The following ARRDC4 variants were observed in gnomAD, a reference collection of about 807,000 sequenced individuals.
ARRDC4 encodes arrestin domain-containing protein 4.
Under a neutral mutation model 44.6 loss-of-function variants are expected in ARRDC4, and 40 were observed. The ratio of observed to expected loss-of-function variants is 0.90; its 90% confidence interval spans 0.70 to 1.17. The LOEUF is 1.17. Among genes scored for constraint, ARRDC4 ranks in the 50% most tolerant of loss-of-function variants. ARRDC4 has a pLI of 0.00. For missense variants in ARRDC4, 550 were observed against 559.1 expected (o/e 0.98, Z 0.16); for synonymous variants, 211 against 221.2 (o/e 0.95, Z 0.41).
In ARRDC4 at chr15:97,970,629, C is replaced by T. The variant is rs556598670; in HGVS notation, c.1086C>T (p.Phe362=). The change falls in exon 7 of 8, where the codon TTC becomes TTT. Residue 362 remains phenylalanine, a synonymous_variant. Coordinates refer to ENST00000268042, the MANE Select transcript of ARRDC4 (RefSeq NM_183376.3). This position sits in a 1 kb window ranked among gnomAD's most constrained non-coding sequence, Gnocchi z 4.2. ...NYADVVSEEE[F]SRHIPPYPQP... is the part of the protein sequence containing the mutation. ...CAGATGTGGTATCAGAGGAAGAATTCTCTAGACACATTCCTCCTTACCCTC... is the reference window on the plus strand; with the variant it reads ...CAGATGTGGTATCAGAGGAAGAATTTTCTAGACACATTCCTCCTTACCCTC... 6 of 1,613,296 alleles carry T rather than the reference C, an allele frequency of 3.7e-6. No individual in the cohort carries two copies. Among genetic ancestry groups the T allele is most frequent in the Non-Finnish European group, 5.1e-6 (6 of 1,179,444 alleles).
chr15:97,962,415 A>C (rs1899338259), intron 1 of ARRDC4, among the ~76,000 whole-genome samples: 2 of 152,200 alleles, frequency 1.3e-5, no homozygotes, highest in Admixed American at 6.5e-5. Flanking sequence ...TACAATTTGC[A>C]AGATGGCCGA....
At chr15:97,964,311 G>T (rs993666228) in intron 1 of ARRDC4, among the ~76,000 whole-genome samples, 1 of 151,694 alleles carries the variant, frequency 6.6e-6, no homozygotes, top group African/African-American at 2.4e-5. Flanking sequence ...AATGGATAAA[G>T]TAGAAATCTT....
At position 97,970,930 on chromosome 15, in the gene ARRDC4, A is replaced by T. The variant is rs1899501686; in HGVS notation, c.1200+187A>T. Among the ~76,000 whole-genome samples, 1 of 152,028 alleles carries T rather than the reference A, an allele frequency of 6.6e-6. No individual in the cohort carries two copies. Among genetic ancestry groups the T allele is most frequent in the African/African-American group, 2.4e-5 (1 of 41,388 alleles). On this transcript the variant is annotated intron_variant, in intron 7 of 7. Transcript: ENST00000268042. The surrounding 1 kb of genome is among the most constrained non-coding windows in gnomAD (Gnocchi z 4.2). ...AGATTTTTTTACTATTGTCCTTGTG[A>T]TCTATGGCATCAGATACAGTATTGT...
Position 97,967,834 on chromosome 15 carries a change from T to A in ARRDC4, c.523-180T>A, listed in dbSNP as rs1385452696. Among the ~76,000 whole-genome samples, 2 of 152,002 alleles carry A rather than the reference T, an allele frequency of 1.3e-5. No individual in the cohort carries two copies. Among genetic ancestry groups the A allele is most frequent in the Admixed American group, 6.6e-5 (1 of 15,248 alleles). On this transcript the variant is annotated intron_variant, in intron 3 of 7. Coordinates refer to ENST00000268042, the MANE Select transcript of ARRDC4 (RefSeq NM_183376.3). This position sits in a 1 kb window ranked among gnomAD's most constrained non-coding sequence, Gnocchi z 5.0. The stretch of plus-strand genomic sequence containing the variant: ...CACTGTAGTTTTCCTAAAAGGGGAG[T>A]CTTAACACCCTGTGTTTTTGTGCAT...
In ARRDC4 at chr15:97,960,918, C is replaced by T. The variant is rs1247217582; in HGVS notation, c.57C>T (p.Ser19=). The change falls in exon 1 of 8, where the codon AGC becomes AGT. Residue 19 remains serine (S), a synonymous_variant. Coordinates refer to ENST00000268042, the MANE Select transcript of ARRDC4 (RefSeq NM_183376.3). The part of the protein sequence containing the change: ...AAVGAEGRVK[S]LGLVFEDERK... ...TGGGTGCCGAGGGCCGCGTGAAGAG[C>T]CTGGGTCTGGTGTTCGAGGACGAGC... The T allele has an allele frequency of 3.4e-6, 5 of 1,455,378 alleles. No individual in the cohort carries two copies. The highest frequency in any genetic ancestry group is 1.4e-5 in the South Asian group (1 of 73,924). The allele number at this position is 1,455,378 out of a possible 1,614,324, so 90.2% of individuals were successfully genotyped here.
In ARRDC4 at chr15:97,966,552, G is replaced by A. The variant is rs755283043; in HGVS notation, c.522+510G>A. 1.3e-5 allele frequency among the ~76,000 whole-genome samples: 2 copies of A among 151,982 alleles called. No individual in the cohort carries two copies. The highest frequency in any genetic ancestry group is 2.1e-4 in the South Asian group (1 of 4,818). ...CATTAAGTAAGTGCATGCAGCTGCC[G>A]CCGAGATCCTTTCACTTATCATTTC... On this transcript the variant is annotated intron_variant, in intron 3 of 7. Coordinates refer to ENST00000268042, the MANE Select transcript of ARRDC4 (RefSeq NM_183376.3). This position sits in a 1 kb window ranked among gnomAD's most constrained non-coding sequence, Gnocchi z 4.7.
In ARRDC4 at chr15:97,967,089, T is replaced by TGCCA. The variant is rs1311244281; in HGVS notation, c.523-924_523-923insCCAG. 2.0e-5 allele frequency among the ~76,000 whole-genome samples: 3 copies of TGCCA among 152,368 alleles called. No homozygotes were observed. Among genetic ancestry groups the TGCCA allele is most frequent in the Admixed American group, 6.5e-5 (1 of 15,300 alleles). On this transcript the variant is annotated intron_variant, in intron 3 of 7. Transcript: ENST00000268042. The surrounding 1 kb of genome is among the most constrained non-coding windows in gnomAD (Gnocchi z 5.0). ...TAAAACAGCCGGCACCCAGCTGGCC[T>TGCCA]GGCTTATAGCTGGGACTTTAACAGC...
Position 97,972,084 on chromosome 15 carries a change from T to C in ARRDC4, c.*897T>C, listed in dbSNP as rs1452744210. 1 of 152,322 alleles carries C rather than the reference T, an allele frequency of 6.6e-6. No individual in the cohort carries two copies. The highest frequency in any genetic ancestry group is 1.5e-5 in the Non-Finnish European group (1 of 68,024). The allele number at this position is 152,322 out of a possible 1,614,324, so 9.4% of individuals were successfully genotyped here. On this transcript the variant is annotated 3_prime_UTR_variant, in exon 8 of 8. Transcript: ENST00000268042. This position sits in a 1 kb window ranked among gnomAD's most constrained non-coding sequence, Gnocchi z 5.3. ...AGGCCTTTTTCTAACCTACCTCTAA[T>C]GGGGTTATCAGATATGTTTTTAAAT...
Position 97,968,566 on chromosome 15 carries a change from T to C in ARRDC4, c.625+450T>C, listed in dbSNP as rs772868621. ...AGATTGTTACTGGAATTGCCATTAG[T>C]GAAGGGCCCATTTCCAGCAGTGGAT... On this transcript the variant is annotated intron_variant, in intron 4 of 7. Transcript: ENST00000268042. The surrounding 1 kb of genome is among the most constrained non-coding windows in gnomAD (Gnocchi z 5.4). Among the ~76,000 whole-genome samples, 4 of 152,236 alleles carry C rather than the reference T, an allele frequency of 2.6e-5. No homozygotes were observed. Among genetic ancestry groups the C allele is most frequent in the Non-Finnish European group, 5.9e-5 (4 of 68,028 alleles).
At chr15:97,961,688 C>A (rs1899324468) in intron 1 of ARRDC4, among the ~76,000 whole-genome samples, 1 of 152,162 alleles carries the variant, frequency 6.6e-6, no homozygotes, top group African/African-American at 2.4e-5. Flanking sequence ...CAGACTTGAT[C>A]ATCATGCTTG....
Position 97,968,448 on chromosome 15 carries a change from T to G in ARRDC4, c.625+332T>G, listed in dbSNP as rs1899455254. Among the ~76,000 whole-genome samples the G allele has an allele frequency of 6.6e-6, 1 of 152,082 alleles. No individual in the cohort carries two copies. On this transcript the variant is annotated intron_variant, in intron 4 of 7. Transcript: ENST00000268042. This position sits in a 1 kb window ranked among gnomAD's most constrained non-coding sequence, Gnocchi z 5.4. ...ATTGCTAAAAAGAGAACTACTGGAG[T>G]ATGAAATGCTATTAGACATTCTGAT... is the stretch of plus-strand genomic sequence containing the variant.
In ARRDC4 at chr15:97,971,450, A is replaced by T. The variant is rs1439941125; in HGVS notation, c.*263A>T. ...GTCACAGAATGTAATGGAAGTCCTG[A>T]TGGTTACAGAGTAAGTGAAAGGGTG... On this transcript the variant is annotated 3_prime_UTR_variant, in exon 8 of 8. Transcript: ENST00000268042. 1.1e-5 allele frequency: 5 copies of T among 453,432 alleles called. No individual in the cohort carries two copies. Among genetic ancestry groups the T allele is most frequent in the Non-Finnish European group, 2.0e-5 (5 of 247,356 alleles). The allele number at this position is 453,432 out of a possible 1,614,324, so 28.1% of individuals were successfully genotyped here.
intron 1 of ARRDC4, among the ~76,000 whole-genome samples, chr15:97,961,524 G>A (rs1187946146): frequency 6.6e-6 from 1 of 152,202 alleles, no homozygotes; most frequent in African/African-American, 2.4e-5. Flanking sequence ...TGGAACCGGC[G>A]GCTATGAGGT....
In ARRDC4 at chr15:97,967,665, G is replaced by A. The variant is rs1054750662; in HGVS notation, c.523-349G>A. ...CTTCCACCTGACTTTTATATATAAA[G>A]TCTTAAAAATAATTCTGTCATGTTT... is the stretch of plus-strand genomic sequence containing the variant. On this transcript the variant is annotated intron_variant, in intron 3 of 7. Coordinates refer to ENST00000268042, the MANE Select transcript of ARRDC4 (RefSeq NM_183376.3). The surrounding 1 kb of genome is among the most constrained non-coding windows in gnomAD (Gnocchi z 5.0). 1.3e-5 allele frequency among the ~76,000 whole-genome samples: 2 copies of A among 151,574 alleles called. No homozygotes were observed. The highest frequency in any genetic ancestry group is 2.9e-5 in the Non-Finnish European group (2 of 67,922).
intron 1 of ARRDC4, among the ~76,000 whole-genome samples, chr15:97,963,898 T>C (rs1201349444): frequency 6.6e-6 from 1 of 152,182 alleles, no homozygotes; most frequent in Non-Finnish European, 1.5e-5. Flanking sequence ...AGCCTTTCAC[T>C]CCACAGCTGT....
At chr15:97,962,619 C>T (rs531534953) in intron 1 of ARRDC4, among the ~76,000 whole-genome samples, 2 of 152,208 alleles carry the variant, frequency 1.3e-5, no homozygotes, top group South Asian at 4.2e-4. Context: ...GATGTTTATT[C>T]GTCACACACA....
intron 1 of ARRDC4, among the ~76,000 whole-genome samples, chr15:97,964,778 T>C (rs1374293221): frequency 6.6e-6 from 1 of 152,140 alleles, no homozygotes; most frequent in Non-Finnish European, 1.5e-5. Flanking sequence ...GCTTAATAGC[T>C]TGTCTTGTGG....
chr15:97,968,184 TTAAA>T lies in ARRDC4; in HGVS notation c.625+71_625+74del, dbSNP rs1203837306. ...TTTTCTTAGCTAATTTTAAGTGATT[TTAAA>T]TAGTGTTTTTTGTAATTATATGACG... On this transcript the variant is annotated intron_variant, in intron 4 of 7. Coordinates refer to ENST00000268042, the MANE Select transcript of ARRDC4 (RefSeq NM_183376.3). The surrounding 1 kb of genome is among the most constrained non-coding windows in gnomAD (Gnocchi z 5.4). 1.5e-5 allele frequency: 16 copies of T among 1,046,164 alleles called. No homozygotes were observed. The highest frequency in any genetic ancestry group is 2.7e-6 in the Non-Finnish European group (2 of 733,522). The allele number at this position is 1,046,164 out of a possible 1,614,324, so 64.8% of individuals were successfully genotyped here. A position where few individuals can be genotyped will look rare whatever the true frequency, so the allele number is the denominator to read the frequency against.
Position 97,973,459 on chromosome 15 carries a change from A to G in ARRDC4, c.*2272A>G, listed in dbSNP as rs1472825431. Reference sequence around the variant, plus strand: ...TCATTTTATGAATGTGGAGAATTCTACATTGAAACAGAAAATACCTGGGAA... The same window carrying G: ...TCATTTTATGAATGTGGAGAATTCTGCATTGAAACAGAAAATACCTGGGAA... On this transcript the variant is annotated 3_prime_UTR_variant, in exon 8 of 8. Coordinates refer to ENST00000268042, the MANE Select transcript of ARRDC4 (RefSeq NM_183376.3). 6.6e-6 allele frequency: 1 copy of G among 152,550 alleles called. No individual in the cohort carries two copies. Among genetic ancestry groups the G allele is most frequent in the Non-Finnish European group, 1.5e-5 (1 of 68,030 alleles). The allele number at this position is 152,550 out of a possible 1,614,324, so 9.4% of individuals were successfully genotyped here.
Sources: gnomAD v4.1 joint callset for allele counts (sites outside exome capture counted in the v4.1 genomes callset) on GRCh38, gnomAD v4.1.1 for gene constraint, Gnocchi (gnomAD v3.1) non-coding constraint, MANE v1.5 for transcripts, NCBI Gene and HGNC (gene_info 2026-07-23, HGNC 2026-07-21) for gene names.